Variants in TRAPPC9 observed in about 807,000 individuals in gnomAD.
TRAPPC9 encodes the protein trafficking protein particle complex subunit 9, also known as IKK2 binding protein.
A neutral mutation model predicts 124.0 loss-of-function variants in TRAPPC9; 83 were observed. The ratio of observed to expected loss-of-function variants is 0.67; its 90% confidence interval spans 0.56 to 0.80. The LOEUF is 0.80. Among genes scored for constraint, TRAPPC9 ranks in the 30% least tolerant of loss-of-function variants. The probability of loss-of-function intolerance (pLI) is 0.00; values close to 1 mark genes in which losing one functional copy is unlikely to be tolerated. For missense variants in TRAPPC9, 1,302 were observed against 1,508.3 expected (o/e 0.86, Z 2.27); for synonymous variants, 638 against 617.5 (o/e 1.03, Z -0.49).
intron 18 of TRAPPC9, among the ~76,000 whole-genome samples, chr8:139,990,354 T>A (rs1207183775): frequency 1.3e-5 from 2 of 152,146 alleles, no homozygotes; most frequent in African/African-American, 4.8e-5. Context: ...GATGTGGACC[T>A]CTATTCATTC....
intron 16 of TRAPPC9, among the ~76,000 whole-genome samples, chr8:140,225,163 T>C (rs966453461): frequency 6.6e-6 from 1 of 152,238 alleles, no homozygotes; most frequent in African/African-American, 2.4e-5. Flanking sequence ...ATTATGCATG[T>C]CTTACATTCC....
At chr8:140,135,697 T>A (rs1361563905) in intron 17 of TRAPPC9, among the ~76,000 whole-genome samples, 1 of 152,220 alleles carries the variant, frequency 6.6e-6, no homozygotes. Flanking sequence ...ATGGAAAACT[T>A]CTGGAAGTGG....
At chr8:140,004,544 T>C (rs1838624527) in intron 18 of TRAPPC9, among the ~76,000 whole-genome samples, 1 of 152,092 alleles carries the variant, frequency 6.6e-6, no homozygotes, top group Non-Finnish European at 1.5e-5. Flanking sequence ...GCCTATGCTA[T>C]GGAATTATTA....
At chr8:139,882,357 A>G (rs1829725588) in intron 21 of TRAPPC9, among the ~76,000 whole-genome samples, 1 of 152,132 alleles carries the variant, frequency 6.6e-6, no homozygotes, top group Non-Finnish European at 1.5e-5. Flanking sequence ...GGACCGAAAC[A>G]TAAATCCAGG....
At chr8:140,397,523 G>A in intron 7 of TRAPPC9, 97 bp downstream of exon 7, 2 of 1,405,394 alleles carry the variant, frequency 1.4e-6, no homozygotes, top group Non-Finnish European at 2.0e-6. Context: ...ATCATGGCAT[G>A]CTGAACCTCA....
chr8:139,949,473 G>A (rs563981166), intron 19 of TRAPPC9, among the ~76,000 whole-genome samples: 1 of 152,302 alleles, frequency 6.6e-6, no homozygotes, highest in South Asian at 2.1e-4. Flanking sequence ...ATTCGTGACA[G>A]ACAAAAGGGG....
intron 11 of TRAPPC9, among the ~76,000 whole-genome samples, chr8:140,296,157 C>T (rs1421052382): frequency 6.6e-6 from 1 of 152,170 alleles, no homozygotes; most frequent in Non-Finnish European, 1.5e-5. Context: ...TATAATAATG[C>T]CGGCAGCATC....
intron 21 of TRAPPC9, among the ~76,000 whole-genome samples, chr8:139,843,497 G>T (rs80054622): frequency 0.042 from 6,411 of 152,306 alleles, 293 homozygotes; most frequent in East Asian, 0.2. Context: ...CCACGGAACC[G>T]GTGGACTGGT....
intron 9 of TRAPPC9, among the ~76,000 whole-genome samples, chr8:140,332,991 T>G (rs1161940146): frequency 1.3e-5 from 2 of 152,000 alleles, no homozygotes. Context: ...CCGGACACAG[T>G]GGCACATGCC....
chr8:139,863,147 T>C (rs1040658829), intron 21 of TRAPPC9, among the ~76,000 whole-genome samples: 8 of 152,248 alleles, frequency 5.3e-5, no homozygotes, highest in South Asian at 2.1e-4. Context: ...TTATGCAAAG[T>C]GGCAGAAGCC....
chr8:140,307,058 G>C (rs1296762356), intron 10 of TRAPPC9, among the ~76,000 whole-genome samples: 1 of 152,150 alleles, frequency 6.6e-6, no homozygotes, highest in Non-Finnish European at 1.5e-5. Context: ...GGTTTGCAGG[G>C]ACTCGGTCCG....
intron 17 of TRAPPC9, among the ~76,000 whole-genome samples, chr8:140,109,705 G>T (rs1479351744): frequency 6.6e-6 from 1 of 152,146 alleles, no homozygotes; most frequent in African/African-American, 2.4e-5. Context: ...CAAAAACTGG[G>T]GAATATGGGG....
chr8:139,765,008 A>G (rs898670), intron 21 of TRAPPC9, among the ~76,000 whole-genome samples: 46,184 of 152,050 alleles, frequency 0.3, 8,390 homozygotes, highest in African/African-American at 0.51. Context: ...TTCAGGCCAC[A>G]TAAGACAATT....
At position 140,275,826 on chromosome 8, in the gene TRAPPC9, A is replaced by C; in HGVS notation, c.2115-5T>G. The C allele has an allele frequency of 1.9e-6, 3 of 1,608,850 alleles. No individual in the cohort carries two copies. Among genetic ancestry groups the C allele is most frequent in the Non-Finnish European group, 2.6e-6 (3 of 1,175,398 alleles). On this transcript the variant is annotated splice_region_variant and splice_polypyrimidine_tract_variant and intron_variant, in intron 14 of 22. Coordinates refer to ENST00000438773, the MANE Select transcript of TRAPPC9 (RefSeq NM_001160372.4). ...GGTTGCAATGAATGTGCAGATCTAA[A>C]ATAAGAAGAAGAAATTTAAAGAAGA...
chr8:140,300,244 CGCAT>C (rs1347714620), intron 11 of TRAPPC9, among the ~76,000 whole-genome samples: 1 of 142,682 alleles, frequency 7.0e-6, no homozygotes, highest in African/African-American at 3.1e-5. Flanking sequence ...CATGCACGCA[CGCAT>C]GCATACACAC....
chr8:140,074,956 T>G (rs938937170), intron 17 of TRAPPC9, among the ~76,000 whole-genome samples: 24 of 152,268 alleles, frequency 1.6e-4, no homozygotes, highest in African/African-American at 5.5e-4. Context: ...CTACCCAATT[T>G]TTTTAGATGA....
At chr8:139,874,669 A>G (rs1021266630) in intron 21 of TRAPPC9, among the ~76,000 whole-genome samples, 4 of 152,332 alleles carry the variant, frequency 2.6e-5, no homozygotes, top group South Asian at 4.1e-4. Context: ...AGCCCAGGTC[A>G]CAGGGAAGAT....
chr8:140,399,543 C>G (rs1379468612), intron 6 of TRAPPC9, among the ~76,000 whole-genome samples: 1 of 152,248 alleles, frequency 6.6e-6, no homozygotes, highest in Non-Finnish European at 1.5e-5. Context: ...GACTGCCCCT[C>G]TGGGTTTCGG....
intron 7 of TRAPPC9, among the ~76,000 whole-genome samples, chr8:140,377,957 C>CA (rs923452628): frequency 5.2e-4 from 73 of 141,262 alleles, no homozygotes; most frequent in Middle Eastern, 3.7e-3. Flanking sequence ...AAGACTGTCT[C>CA]AAAAAAAAAA....
Sources: allele counts gnomAD v4.1 joint callset (sites outside exome capture counted in the v4.1 genomes callset), GRCh38; gene constraint gnomAD v4.1.1; transcripts MANE v1.5; gene names NCBI Gene and HGNC (gene_info 2026-07-23, HGNC 2026-07-21).